Variants in NOTCH4 observed in about 807,000 individuals in gnomAD.
NOTCH4 encodes notch receptor 4.
A neutral mutation model predicts 189.0 loss-of-function variants in NOTCH4; 138 were observed. The observed-to-expected ratio is 0.73, with a 90% CI of 0.64 to 0.84. The LOEUF is 0.84. Ranked by LOEUF, NOTCH4 falls within the 40% of genes least tolerant of loss-of-function variation. The probability of loss-of-function intolerance (pLI) is 0.00; values close to 1 mark genes in which losing one functional copy is unlikely to be tolerated. For missense variants in NOTCH4, 2,286 were observed against 2,605.4 expected (o/e 0.88, Z 2.67); for synonymous variants, 942 against 1,032.8 (o/e 0.91, Z 1.69).
intron 28 of NOTCH4, 132 bp downstream of exon 28, chr6:32,196,793 G>T (rs1272060429): frequency 2.5e-6 from 3 of 1,193,658 alleles, no homozygotes; most frequent in Non-Finnish European, 3.6e-6. Context: ...TACTTCCACC[G>T]CATCTCAGAT....
intron 8 of NOTCH4, among the ~76,000 whole-genome samples, chr6:32,218,554 G>C (rs777854689): frequency 7.2e-5 from 11 of 152,190 alleles, no homozygotes; most frequent in Non-Finnish European, 1.6e-4. Flanking sequence ...TGGGAAGCTT[G>C]TTGCTCCTAT....
chr6:32,201,590 C>G lies in NOTCH4; in HGVS notation c.3756-90G>C. ...AAGAATTCCCCATATTTTGTGCCCT[C>G]TAGGGCTTTGGTTGCTAAGTGGGGG... On this transcript the variant is annotated intron_variant, in intron 21 of 29. Transcript: ENST00000375023. The surrounding 1 kb of genome is among the most constrained non-coding windows in gnomAD (Gnocchi z 5.5). 2 of 1,343,294 alleles carry G rather than the reference C, an allele frequency of 1.5e-6. No individual in the cohort carries two copies. Among genetic ancestry groups the G allele is most frequent in the East Asian group, 2.5e-5 (1 of 39,322 alleles). The allele number at this position is 1,343,294 out of a possible 1,614,324, so 83.2% of individuals were successfully genotyped here.
Position 32,223,981 on chromosome 6 carries a change from C to A in NOTCH4, c.-53G>T. On this transcript the variant is annotated 5_prime_UTR_variant, in exon 1 of 30. It adds an upstream start codon to the 5' untranslated region. Transcript: ENST00000375023. ...CCCTGTCCCTCTTCAGGCAGGGACC[C>A]TCAGAGCTCTCACTGGGGCAGGAGC... is the stretch of plus-strand genomic sequence containing the variant. 1.3e-6 allele frequency: 2 copies of A among 1,527,428 alleles called. No individual in the cohort carries two copies. The highest frequency in any genetic ancestry group is 2.4e-5 in the East Asian group (1 of 41,790). 94.6% of individuals were successfully genotyped at this position (1,527,428 alleles called of 1,614,324 possible). A position where few individuals can be genotyped will look rare whatever the true frequency, so the allele number is the denominator to read the frequency against.
In NOTCH4 at chr6:32,222,622, A is replaced by C. The variant is rs1415035283; in HGVS notation, c.340T>G (p.Cys114Gly). 1 of 1,603,922 alleles carries C rather than the reference A, an allele frequency of 6.2e-7. No homozygotes were observed. The highest frequency in any genetic ancestry group is 8.5e-7 in the Non-Finnish European group (1 of 1,176,952). Reference protein sequence around the residue: ...TCLPGFTGERCQAKLEDPCPP... With the variant: ...TCLPGFTGERGQAKLEDPCPP... ...CAAGGGTCTTCAAGCTTGGCCTGGC[A>C]TCTCTCACCAGTGAAGCCAGGGAGG... The change falls in exon 3 of 30, where the codon TGC becomes GGC. Residue 114 changes from cysteine to glycine, a missense_variant. Physicochemically the swap from Cys to Gly is radical, Grantham distance 159. Transcript: ENST00000375023.
chr6:32,219,827 C>A, intron 7 of NOTCH4, 41 bp from the exon 8 acceptor site: 4 of 1,539,532 alleles, frequency 2.6e-6, no homozygotes, highest in Non-Finnish European at 3.6e-6. Flanking sequence ...GGGGTCAGGG[C>A]AGGAAGGGCA....
rs573746691 is a variant in NOTCH4 at position 32,199,652 on chromosome 6, C to T, written c.4316-507G>A. ...TTGGGAGGTGGAGCTTGCAGTGAGC[C>T]GAGATCGCGCCACTGCACTCCGGCC... On this transcript the variant is annotated intron_variant, in intron 23 of 29. Transcript: ENST00000375023. This position sits in a 1 kb window ranked among gnomAD's most constrained non-coding sequence, Gnocchi z 4.9. Among the ~76,000 whole-genome samples the T allele has an allele frequency of 1.3e-5, 2 of 152,126 alleles. No homozygotes were observed. Among genetic ancestry groups the T allele is most frequent in the African/African-American group, 4.8e-5 (2 of 41,476 alleles).
rs1468889473 is a variant in NOTCH4, at chr6:32,197,585, G to A, written c.4766C>T (p.Thr1589Ile). The A allele has an allele frequency of 1.2e-6, 2 of 1,609,416 alleles. No individual in the cohort carries two copies. Among genetic ancestry groups the A allele is most frequent in the Non-Finnish European group, 1.7e-6 (2 of 1,177,980 alleles). The change falls in exon 27 of 30, where the codon ACA (threonine) becomes ATA (isoleucine). Residue 1589 changes from threonine (T) to isoleucine (I), a missense_variant. Physicochemically the swap from Thr to Ile is moderately conservative, Grantham distance 89. Around this residue, in one of 2 missense-constraint regions of NOTCH4, gnomAD observed 1,903 missense variants for 2,261.9 expected, o/e 0.84. Transcript: ENST00000375023. ...DLDTRGPDGV[T>I]PLMSAVCCGE... ...ACAGCAAACTGCTGACATCAGGGGT[G>A]TCACCCCATCTGTTGGTAAGACAGA... is the stretch of plus-strand genomic sequence containing the variant.
intron 26 of NOTCH4, among the ~76,000 whole-genome samples, chr6:32,197,865 A>C (rs1417012337): frequency 7.4e-6 from 1 of 135,518 alleles, no homozygotes; most frequent in African/African-American, 2.8e-5. Flanking sequence ...CCTGTCACCC[A>C]GGCTGGAGTG....
chr6:32,221,116 G>A lies in NOTCH4; in HGVS notation c.661C>T (p.Leu221Phe), dbSNP rs144962111. 187 of 1,612,990 alleles carry A rather than the reference G, an allele frequency of 1.2e-4. No individual in the cohort carries two copies. Among genetic ancestry groups the A allele is most frequent in the Non-Finnish European group, 1.5e-4 (178 of 1,180,030 alleles). Residue 221 changes from leucine (L) to phenylalanine (F), a missense_variant, in exon 4 of 30, where the codon CTC becomes TTC. Physicochemically the swap from Leu to Phe is conservative, Grantham distance 22. This residue lies in a region of NOTCH4 where 1,903 missense variants were observed against 2,261.9 expected (regional missense o/e 0.84). Coordinates refer to ENST00000375023, the MANE Select transcript of NOTCH4 (RefSeq NM_004557.4). The surrounding 1 kb of genome is among the most constrained non-coding windows in gnomAD (Gnocchi z 4.3). ...CHNTLGSFQC[L>F]CPVGQEGPRC... ...GGACCCTCCTGCCCCACAGGGCAGAGGCACTGGAAGGAGCCCAGGGTGTTA... is the reference window on the plus strand; with the variant it reads ...GGACCCTCCTGCCCCACAGGGCAGAAGCACTGGAAGGAGCCCAGGGTGTTA...
In NOTCH4 at chr6:32,195,976, G is replaced by A. The variant is rs1165430625; in HGVS notation, c.5473C>T (p.Pro1825Ser). The A allele has an allele frequency of 6.3e-7, 1 of 1,598,184 alleles. No homozygotes were observed. Among genetic ancestry groups the A allele is most frequent in the Non-Finnish European group, 8.5e-7 (1 of 1,178,864 alleles). Residue 1825 changes from proline to serine, a missense_variant, in exon 30 of 30, where the codon CCA becomes TCA. Coordinates refer to ENST00000375023, the MANE Select transcript of NOTCH4 (RefSeq NM_004557.4). The surrounding 1 kb of genome is among the most constrained non-coding windows in gnomAD (Gnocchi z 5.4). ...LLTLLEGAGP[P>S]EARHKATPGR... is the part of the protein sequence containing the mutation. ...GGCGTGGCTTTGTGACGGGCCTCTG[G>A]TGGCCCAGCCCCTTCCAGCAGCGTC...
At chr6:32,219,253 CA>C (rs1789599570) in intron 8 of NOTCH4, among the ~76,000 whole-genome samples, 1 of 152,170 alleles carries the variant, frequency 6.6e-6, no homozygotes, top group Admixed American at 6.5e-5. Flanking sequence ...TTGACCTGAG[CA>C]AAGGCTGCAG....
In NOTCH4 at chr6:32,197,358, G is replaced by A. The variant is rs759703328; in HGVS notation, c.4993C>T (p.Arg1665Trp). 3.3e-6 allele frequency: 5 copies of A among 1,534,154 alleles called. No homozygotes were observed. The highest frequency in any genetic ancestry group is 4.4e-6 in the Non-Finnish European group (5 of 1,141,812). Reference protein sequence around the residue: ...EAGANPNQPDRAGRTPLHAAV... With the variant: ...EAGANPNQPDWAGRTPLHAAV... Reference sequence around the variant, plus strand: ...GCATGAAGGGGTGTGCGCCCTGCCCGGTCTGGCTGGTTGGGGTTGGCTCCA... The same window carrying A: ...GCATGAAGGGGTGTGCGCCCTGCCCAGTCTGGCTGGTTGGGGTTGGCTCCA... Residue 1665 changes from arginine to tryptophan, a missense_variant, in exon 27 of 30, where the codon CGG (arginine) becomes TGG (tryptophan). Physicochemically the swap from Arg to Trp is moderately radical, Grantham distance 101 (BLOSUM62 -3). Coordinates refer to ENST00000375023, the MANE Select transcript of NOTCH4 (RefSeq NM_004557.4).
intron 19 of NOTCH4, 127 bp downstream of exon 19, chr6:32,204,010 G>A (rs904978163): frequency 4.3e-6 from 6 of 1,411,598 alleles, no homozygotes; most frequent in Middle Eastern, 2.1e-4. Flanking sequence ...TTTTCTGGGC[G>A]GGGGTGGGCG....
chr6:32,218,153 C>T, intron 8 of NOTCH4, 45 bp from the exon 9 acceptor site: 1 of 1,238,432 alleles, frequency 8.1e-7, no homozygotes, highest in Non-Finnish European at 1.2e-6. Context: ...GCCAGGTCTG[C>T]CTGGGAGACC....
chr6:32,220,519 CG>C lies in NOTCH4; in HGVS notation c.1044del (p.Gly349AlafsTer49), dbSNP rs753855314. The C allele has an allele frequency of 1.2e-6, 2 of 1,613,520 alleles. No homozygotes were observed. Among genetic ancestry groups the C allele is most frequent in the Non-Finnish European group, 1.7e-6 (2 of 1,179,984 alleles). On this transcript the variant is annotated frameshift_variant, in exon 6 of 30. Transcript: ENST00000375023. LOFTEE classifies it high-confidence loss of function. ...TCCAGGTTCTCCTCACAGCTTGTGCCGCCCCAGCCACTCACACACACGCAGT... is the reference window on the plus strand; with the variant it reads ...TCCAGGTTCTCCTCACAGCTTGTGCCCCCCAGCCACTCACACACACGCAGT... The part of the protein sequence containing the change: ...SFHCVCVSGW[G>X]GTSCEENLDD...
chr6:32,214,484 T>TATATATATATAGATATATATATATATAC (rs28383875), intron 12 of NOTCH4, among the ~76,000 whole-genome samples: 12 of 141,264 alleles, frequency 8.5e-5, no homozygotes, highest in African/African-American at 3.0e-4. Flanking sequence ...TATATATATA[T>TATATATATATAGATATATATATATATAC]ACACACATAT....
At chr6:32,214,466 GATATATAT>G (rs1554151235) in intron 12 of NOTCH4, among the ~76,000 whole-genome samples, 1 of 116,684 alleles carries the variant, frequency 8.6e-6, no homozygotes, top group African/African-American at 3.2e-5. Flanking sequence ...TCTAGTTGGA[GATATATAT>G]ATATATATAT....
intron 17 of NOTCH4, among the ~76,000 whole-genome samples, chr6:32,211,861 T>C (rs1366529511): frequency 1.3e-5 from 2 of 152,192 alleles, no homozygotes; most frequent in African/African-American, 2.4e-5. Context: ...ATCATAATGT[T>C]AAAGCAACTG....
Position 32,200,754 on chromosome 6 carries a change from C to G in NOTCH4, c.4315+77G>C. 1 of 1,242,164 alleles carries G rather than the reference C, an allele frequency of 8.1e-7. No individual in the cohort carries two copies. The highest frequency in any genetic ancestry group is 2.6e-5 in the East Asian group (1 of 38,530). 76.9% of individuals were successfully genotyped at this position (1,242,164 alleles called of 1,614,324 possible). A position where few individuals can be genotyped will look rare whatever the true frequency, so the allele number is the denominator to read the frequency against. ...TCAGTCTCAGCTGTCCTGTTTGATT[C>G]AGCCTCCATTGCCTGTTGCTAGCAT... On this transcript the variant is annotated intron_variant, in intron 23 of 29. Transcript: ENST00000375023. The surrounding 1 kb of genome is among the most constrained non-coding windows in gnomAD (Gnocchi z 5.0).
Sources: gnomAD v4.1 joint callset for allele counts (sites outside exome capture counted in the v4.1 genomes callset) on GRCh38, gnomAD v4.1.1 for gene constraint, gnomAD v4.1.1 regional missense constraint, Gnocchi (gnomAD v3.1) non-coding constraint, MANE v1.5 for transcripts, NCBI Gene and HGNC (gene_info 2026-07-23, HGNC 2026-07-21) for gene names.